Variants in C6 observed in about 807,000 individuals in gnomAD.
C6 encodes complement C6.
In C6, 101 loss-of-function variants were observed where a neutral mutation model predicts 112.9. The observed-to-expected ratio is 0.89, with a 90% CI of 0.76 to 1.06. C6 has a LOEUF of 1.06. Ranked by LOEUF, C6 falls within the 50% of genes least tolerant of loss-of-function variation. The probability of loss-of-function intolerance (pLI) is 0.00; values close to 1 mark genes in which losing one functional copy is unlikely to be tolerated. For missense variants in C6, 1,202 were observed against 1,104.6 expected (o/e 1.09, Z -1.25); for synonymous variants, 431 against 384.1 (o/e 1.12, Z -1.43).
In C6 at chr5:41,252,925, T is replaced by C. The variant is rs74813368; in HGVS notation, c.-21+8269A>G. ...GATTTATGTCTTTGCCTGTAACTTT[T>C]GTCTCCTTAAAATGTGTAAAACCAA... On this transcript the variant is annotated intron_variant, in intron 1 of 17. Transcript: ENST00000263413. 2.4e-3 allele frequency among the ~76,000 whole-genome samples: 362 copies of C among 152,332 alleles called. 5 individuals carry two copies. The highest frequency in any genetic ancestry group is 0.019 in the East Asian group (98 of 5,176).
At chr5:41,244,782 A>G (rs1740924983) in intron 1 of C6, among the ~76,000 whole-genome samples, 1 of 152,098 alleles carries the variant, frequency 6.6e-6, no homozygotes, top group Non-Finnish European at 1.5e-5. Flanking sequence ...ACAAAATTCA[A>G]TGAGTGAATG....
intron 1 of C6, among the ~76,000 whole-genome samples, chr5:41,231,037 T>C (rs1409291570): frequency 1.3e-5 from 2 of 152,164 alleles, no homozygotes; most frequent in African/African-American, 2.4e-5. Flanking sequence ...ACTATTTGCA[T>C]GGAGTATCTT....
intron 1 of C6, among the ~76,000 whole-genome samples, chr5:41,246,620 T>C (rs1241451830): frequency 6.6e-6 from 1 of 152,182 alleles, no homozygotes; most frequent in East Asian, 1.9e-4. Flanking sequence ...TGAAAAAGCC[T>C]GGAGATGCTG....
chr5:41,193,225 G>T (rs896105919), intron 5 of C6, among the ~76,000 whole-genome samples: 7 of 152,132 alleles, frequency 4.6e-5, no homozygotes, highest in African/African-American at 1.7e-4. Flanking sequence ...TGGCTCTCAG[G>T]TCATGAGGAA....
At chr5:41,181,619 A>C in intron 6 of C6, 60 bp from the exon 7 acceptor site, 1 of 1,296,700 alleles carries the variant, frequency 7.7e-7, no homozygotes, top group Non-Finnish European at 1.1e-6. Flanking sequence ...CGACTTGTGG[A>C]TATCTAATGA....
intron 5 of C6, chr5:41,186,414 T>C: frequency 1.7e-6 from 1 of 582,086 alleles, no homozygotes; most frequent in East Asian, 2.9e-5. Flanking sequence ...CTTCTCTGGC[T>C]CTATTAGGTT....
chr5:41,159,293 A>G (rs564546403), intron 11 of C6, 40 bp from the exon 12 acceptor site: 2 of 1,604,432 alleles, frequency 1.2e-6, no homozygotes, highest in African/African-American at 1.3e-5. Flanking sequence ...ATCATGGTGC[A>G]GCTGAATTTG....
At chr5:41,213,924 A>G (rs1245081200), upstream of C6, among the ~76,000 whole-genome samples, 1 of 152,214 alleles carries the variant, frequency 6.6e-6, no homozygotes, top group Admixed American at 6.6e-5. Context: ...TTATCAACAC[A>G]AGTTTATTAT....
At chr5:41,249,366 C>T (rs1237764228) in intron 1 of C6, among the ~76,000 whole-genome samples, 1 of 151,910 alleles carries the variant, frequency 6.6e-6, no homozygotes, top group African/African-American at 2.4e-5. Flanking sequence ...TTCTTTTTTT[C>T]CCAATAGTTA....
chr5:41,178,686 G>T (rs946615966), intron 7 of C6, among the ~76,000 whole-genome samples: 2 of 151,862 alleles, frequency 1.3e-5, no homozygotes, highest in African/African-American at 4.8e-5. Context: ...ATGTTGGTCA[G>T]GCTGGCCTCA....
In C6 at chr5:41,186,123, T is replaced by C; in HGVS notation, c.673A>G (p.Arg225Gly). ...GGAACACGGTATGGATTACTTGTCCTACTGCTTTTGACAGTTTTACATATT... is the reference window on the plus strand; with the variant it reads ...GGAACACGGTATGGATTACTTGTCCCACTGCTTTTGACAGTTTTACATATT... ...GGICKTVKSS[R>G]TSNPYRVPAN... The change falls in exon 6 of 18, where the codon AGG becomes GGG. Residue 225 changes from arginine to glycine, a missense_variant. Transcript: ENST00000337836. The C allele has an allele frequency of 6.2e-7, 1 of 1,614,020 alleles. No individual in the cohort carries two copies. The highest frequency in any genetic ancestry group is 1.3e-5 in the African/African-American group (1 of 75,054).
chr5:41,165,639 T>C (rs566013440), intron 9 of C6, among the ~76,000 whole-genome samples: 3 of 152,306 alleles, frequency 2.0e-5, no homozygotes, highest in South Asian at 4.1e-4. Context: ...CTTTACTACA[T>C]GTCACTTGTG....
In C6 at chr5:41,150,161, T is replaced by G. The variant is rs964661666; in HGVS notation, c.2291-136A>C. The G allele has an allele frequency of 5.8e-6, 4 of 683,882 alleles. No homozygotes were observed. The Admixed American group carries it at 8.4e-5, about 14-fold the overall frequency. The allele number at this position is 683,882 out of a possible 1,614,324, so 42.4% of individuals were successfully genotyped here. On this transcript the variant is annotated intron_variant, in intron 15 of 17. Coordinates refer to ENST00000337836, the MANE Select transcript of C6 (RefSeq NM_000065.5). ...GTTAGATCATTCATTTTGGCTTCTC[T>G]AAATACATTGTCATTAAATATTCCA... is the stretch of plus-strand genomic sequence containing the variant.
rs562254837 is a variant in C6, at chr5:41,156,469, T to G, written c.1969-1365A>C. On this transcript the variant is annotated intron_variant, in intron 13 of 17. Coordinates refer to ENST00000337836, the MANE Select transcript of C6 (RefSeq NM_000065.5). ...CATAAATCTTTACACAGGCCTTAAT[T>G]CTTTGCTGAAAGAATACAAAACATT... 2.0e-5 allele frequency among the ~76,000 whole-genome samples: 3 copies of G among 152,298 alleles called. No individual in the cohort carries two copies. The South Asian group carries it at 6.2e-4, about 32-fold the overall frequency.
chr5:41,243,166 A>G (rs1211038103), intron 1 of C6, among the ~76,000 whole-genome samples: 2 of 152,234 alleles, frequency 1.3e-5, no homozygotes, highest in Non-Finnish European at 2.9e-5. Flanking sequence ...CATCACAAAA[A>G]AAGTTAACTA....
upstream of C6, among the ~76,000 whole-genome samples, chr5:41,215,080 C>T (rs1392902286): frequency 1.3e-5 from 2 of 152,134 alleles, no homozygotes; most frequent in Non-Finnish European, 2.9e-5. Flanking sequence ...AATGACATAT[C>T]TCACTCATGA....
At chr5:41,177,701 A>C (rs1289983553) in intron 7 of C6, among the ~76,000 whole-genome samples, 6 of 152,180 alleles carry the variant, frequency 3.9e-5, no homozygotes, top group African/African-American at 1.2e-4. Flanking sequence ...AAGAATCAGC[A>C]TTAATCTCCC....
chr5:41,199,948 C>A (rs1750886631), intron 3 of C6, 36 bp from the exon 4 acceptor site: 2 of 1,611,222 alleles, frequency 1.2e-6, no homozygotes, highest in African/African-American at 1.3e-5. Context: ...AACTCTGAGG[C>A]AGGGTCAAGG....
At chr5:41,228,493 C>G (rs1428098992) in intron 1 of C6, among the ~76,000 whole-genome samples, 1 of 152,122 alleles carries the variant, frequency 6.6e-6, no homozygotes, top group African/African-American at 2.4e-5. Context: ...CAGTACTACA[C>G]TGAATAGAAG....
Sources: allele counts gnomAD v4.1 joint callset (sites outside exome capture counted in the v4.1 genomes callset), GRCh38; gene constraint gnomAD v4.1.1; transcripts MANE v1.5; gene names NCBI Gene and HGNC (gene_info 2026-07-23, HGNC 2026-07-21).